GRIA4: variants seen among roughly 807,000 people sequenced by gnomAD.
GRIA4 encodes glutamate receptor 4.
Under a neutral mutation model 104.0 loss-of-function variants are expected in GRIA4, and 34 were observed. That is an observed-to-expected ratio of 0.33 (90% CI 0.25 to 0.44). The LOEUF (loss-of-function observed/expected upper bound fraction) is 0.44. Ranked by LOEUF, GRIA4 falls within the 20% of genes least tolerant of loss-of-function variation. The pLI, the probability that GRIA4 is intolerant of heterozygous loss-of-function variation, is 1.00. For missense variants in GRIA4, 750 were observed against 1,096.5 expected (o/e 0.68, Z 4.46); for synonymous variants, 386 against 381.9 (o/e 1.01, Z -0.13).
At chr11:105,677,013 A>G (rs1952559918) in intron 3 of GRIA4, among the ~76,000 whole-genome samples, 1 of 151,880 alleles carries the variant, frequency 6.6e-6, no homozygotes, top group Non-Finnish European at 1.5e-5. Flanking sequence ...CATTTGCATA[A>G]TTCAATTACA....
chr11:105,847,222 CTTG>C (rs1475522624), intron 4 of GRIA4, among the ~76,000 whole-genome samples: 5 of 152,192 alleles, frequency 3.3e-5, no homozygotes, highest in Admixed American at 6.5e-5. Flanking sequence ...ACCTAGATCC[CTTG>C]TATGTGCAGT....
At chr11:105,865,349 A>T (rs139689191) in intron 5 of GRIA4, among the ~76,000 whole-genome samples, 1 of 152,212 alleles carries the variant, frequency 6.6e-6, no homozygotes, top group Non-Finnish European at 1.5e-5. Context: ...AAATCCAATG[A>T]GCAATTTGGT....
At chr11:105,750,629 G>C (rs1939942292) in intron 3 of GRIA4, among the ~76,000 whole-genome samples, 1 of 152,150 alleles carries the variant, frequency 6.6e-6, no homozygotes, top group African/African-American at 2.4e-5. Flanking sequence ...GTGAGTACCA[G>C]AATAGTGAAA....
At chr11:105,964,485 T>C (rs1412264509) in intron 14 of GRIA4, among the ~76,000 whole-genome samples, 1 of 152,224 alleles carries the variant, frequency 6.6e-6, no homozygotes, top group Non-Finnish European at 1.5e-5. Context: ...CACTTTTTAT[T>C]AGTTGGCTAA....
chr11:105,644,369 A>C (rs1169260658), intron 3 of GRIA4, among the ~76,000 whole-genome samples: 3 of 151,766 alleles, frequency 2.0e-5, no homozygotes, highest in Non-Finnish European at 4.4e-5. Flanking sequence ...AAGGTGGGGA[A>C]CTGCTTGAGA....
chr11:105,749,052 G>A (rs1939840452), intron 3 of GRIA4, among the ~76,000 whole-genome samples: 1 of 152,166 alleles, frequency 6.6e-6, no homozygotes, highest in African/African-American at 2.4e-5. Flanking sequence ...CTTTAAAGGA[G>A]CAGAGTAAGA....
intron 3 of GRIA4, among the ~76,000 whole-genome samples, chr11:105,675,187 G>A (rs1044294327): frequency 1.3e-5 from 2 of 151,916 alleles, no homozygotes; most frequent in East Asian, 1.9e-4. Flanking sequence ...TTGATGGTGA[G>A]GTAGAGCAAA....
At chr11:105,831,805 C>T (rs756359336) in intron 4 of GRIA4, among the ~76,000 whole-genome samples, 6 of 151,976 alleles carry the variant, frequency 3.9e-5, no homozygotes, top group Non-Finnish European at 8.8e-5. Flanking sequence ...GGTTATGCTC[C>T]GCATAGCATT....
chr11:105,841,448 C>G (rs1591333612), intron 4 of GRIA4, among the ~76,000 whole-genome samples: 2 of 152,192 alleles, frequency 1.3e-5, no homozygotes, highest in Admixed American at 1.3e-4. Flanking sequence ...GGCCTGGAGT[C>G]CAATGCCCAG....
intron 3 of GRIA4, among the ~76,000 whole-genome samples, chr11:105,617,790 A>T (rs145512923): frequency 6.6e-6 from 1 of 152,052 alleles, no homozygotes; most frequent in African/African-American, 2.4e-5. Flanking sequence ...ACAAAAACTT[A>T]TAAGAGTAGT....
intron 4 of GRIA4, among the ~76,000 whole-genome samples, chr11:105,827,856 A>G (rs1943833206): frequency 6.6e-6 from 1 of 152,076 alleles, no homozygotes; most frequent in African/African-American, 2.4e-5. Flanking sequence ...ACTATCAACT[A>G]AATTTGCTTT....
chr11:105,709,368 A>G (rs1953828290), intron 3 of GRIA4, among the ~76,000 whole-genome samples: 1 of 152,174 alleles, frequency 6.6e-6, no homozygotes, highest in African/African-American at 2.4e-5. Context: ...GGGAAACAGA[A>G]AATCATCATT....
At chr11:105,900,555 T>C (rs557511110) in intron 7 of GRIA4, among the ~76,000 whole-genome samples, 1 of 152,318 alleles carries the variant, frequency 6.6e-6, no homozygotes, top group African/African-American at 2.4e-5. Flanking sequence ...ACTTTCTCTA[T>C]GAAATCTTTT....
intron 4 of GRIA4, among the ~76,000 whole-genome samples, chr11:105,823,674 A>G (rs999809354): frequency 2.0e-5 from 3 of 152,082 alleles, no homozygotes; most frequent in African/African-American, 7.2e-5. Context: ...GGATATTGCA[A>G]TTGGGACTGA....
chr11:105,744,649 G>A (rs565356932), intron 3 of GRIA4, among the ~76,000 whole-genome samples: 1 of 152,114 alleles, frequency 6.6e-6, no homozygotes, highest in Non-Finnish European at 1.5e-5. Flanking sequence ...GGACTTCAAG[G>A]TGGTGACCCC....
At chr11:105,868,004 T>A (rs2136040982) in intron 5 of GRIA4, among the ~76,000 whole-genome samples, 1 of 152,310 alleles carries the variant, frequency 6.6e-6, no homozygotes, top group East Asian at 1.9e-4. Context: ...CAACTCATGG[T>A]CCTTACACAA....
intron 2 of GRIA4, among the ~76,000 whole-genome samples, 190 bp downstream of exon 2, chr11:105,611,275 CA>C (rs1950472944): frequency 6.6e-6 from 1 of 152,036 alleles, no homozygotes; most frequent in Non-Finnish European, 1.5e-5. Context: ...GGAATACACC[CA>C]GGGCAGCCCA....
intron 3 of GRIA4, among the ~76,000 whole-genome samples, chr11:105,687,873 T>C (rs576149366): frequency 6.6e-6 from 1 of 152,342 alleles, no homozygotes; most frequent in East Asian, 1.9e-4. Context: ...TTAAAGTTTC[T>C]AGATATGTTT....
intron 3 of GRIA4, among the ~76,000 whole-genome samples, chr11:105,657,260 G>A (rs1951871938): frequency 1.3e-5 from 2 of 151,810 alleles, no homozygotes; most frequent in Admixed American, 1.3e-4. Flanking sequence ...CAACAAACAA[G>A]CTTTTCAAAA....
Sources: allele counts gnomAD v4.1 joint callset (sites outside exome capture counted in the v4.1 genomes callset), GRCh38; gene constraint gnomAD v4.1.1; transcripts MANE v1.5; gene names NCBI Gene and HGNC (gene_info 2026-07-23, HGNC 2026-07-21).